Variants in SUPT20H observed in about 807,000 individuals in gnomAD.
SUPT20H encodes the protein transcription factor SPT20 homolog.
Under a neutral mutation model 122.8 loss-of-function variants are expected in SUPT20H, and 82 were observed. That is an observed-to-expected ratio of 0.67 (90% CI 0.56 to 0.80). The LOEUF is 0.80. SUPT20H is among the 30% of genes least tolerant of loss of function. The pLI is 0.00. For synonymous variants in SUPT20H, 291 were observed against 313.0 expected (o/e 0.93, Z 0.74); for missense variants, 831 against 921.6 (o/e 0.90, Z 1.27).
chr13:37,049,666 G>A (rs1404577682), intron 2 of SUPT20H, among the ~76,000 whole-genome samples: 2 of 152,274 alleles, frequency 1.3e-5, no homozygotes, highest in East Asian at 3.9e-4. Flanking sequence ...TTGAACCCGG[G>A]AGGCAGAGGT....
intron 16 of SUPT20H, among the ~76,000 whole-genome samples, chr13:37,025,660 T>G (rs2062128277): frequency 6.6e-6 from 1 of 152,180 alleles, no homozygotes; most frequent in South Asian, 2.1e-4. Context: ...AATCTAAAGA[T>G]ATACTTTCAA....
At chr13:37,011,739 T>A (rs1016048011) in intron 24 of SUPT20H, among the ~76,000 whole-genome samples, 5 of 152,126 alleles carry the variant, frequency 3.3e-5, no homozygotes, top group Non-Finnish European at 5.9e-5. Flanking sequence ...TCTTTTTTTT[T>A]AAATGATAAA....
rs1358342485 is a variant in SUPT20H, at chr13:37,059,677, G to T, written c.-212C>A. On this transcript the variant is annotated 5_prime_UTR_variant, in exon 1 of 26. Transcript: ENST00000350612. Reference sequence around the variant, plus strand: ...CCACCAACAGCCAGTTCCGGCGGCCGCACTTCCGATTGGCAGGCTGGGCCG... The same window carrying T: ...CCACCAACAGCCAGTTCCGGCGGCCTCACTTCCGATTGGCAGGCTGGGCCG... 1 of 152,588 alleles carries T rather than the reference G, an allele frequency of 6.6e-6. No homozygotes were observed. Among genetic ancestry groups the T allele is most frequent in the African/African-American group, 2.4e-5 (1 of 41,470 alleles). 9.5% of individuals were successfully genotyped at this position (152,588 alleles called of 1,614,324 possible).
chr13:37,017,096 T>C (rs752701322), intron 23 of SUPT20H, 149 bp downstream of exon 23: 5 of 1,065,388 alleles, frequency 4.7e-6, no homozygotes, highest in South Asian at 2.8e-5. Flanking sequence ...TTATTAGGAA[T>C]ACACACCCAA....
Position 37,009,476 on chromosome 13 carries a change from T to C in SUPT20H, c.*196A>G, listed in dbSNP as rs1214819610. The C allele has an allele frequency of 1.2e-5, 10 of 801,728 alleles. No homozygotes were observed. In the East Asian group the frequency reaches 2.7e-4, roughly 21 times the overall value. The allele number at this position is 801,728 out of a possible 1,614,324, so 49.7% of individuals were successfully genotyped here. On this transcript the variant is annotated 3_prime_UTR_variant, in exon 26 of 26. Transcript: ENST00000350612. Reference sequence around the variant, plus strand: ...AAACCATTTTTAAAAAGCAATGACTTAGGCAAACCAACCCTAGTTTGTTAA... The same window carrying C: ...AAACCATTTTTAAAAAGCAATGACTCAGGCAAACCAACCCTAGTTTGTTAA...
chr13:37,036,663 C>A lies in SUPT20H; in HGVS notation c.568-3075G>T, dbSNP rs547831356. Among the ~76,000 whole-genome samples, 26 of 152,146 alleles carry A rather than the reference C, an allele frequency of 1.7e-4. No homozygotes were observed. In the South Asian group the frequency reaches 3.1e-3, roughly 18 times the overall value. ...CAAGTTACACTGAGTGTGCATGCCT[C>A]TTCTGCCTCCCCTTCCATCTTCTTT... On this transcript the variant is annotated intron_variant, in intron 9 of 25. Coordinates refer to ENST00000350612, the MANE Select transcript of SUPT20H (RefSeq NM_001014286.3).
In SUPT20H at chr13:37,025,193, T is replaced by C. The variant is rs1016365526; in HGVS notation, c.1329+127A>G. 5.1e-5 allele frequency: 40 copies of C among 787,002 alleles called. No homozygotes were observed. In the South Asian group the frequency reaches 5.3e-4, roughly 10 times the overall value. 48.8% of individuals were successfully genotyped at this position (787,002 alleles called of 1,614,324 possible). On this transcript the variant is annotated intron_variant, in intron 17 of 25. Transcript: ENST00000350612. Reference sequence around the variant, plus strand: ...CCGACCTCAGGTGATCCACCCACCTTGGCCTCCCAAAGTGTTGGGATTACA... The same window carrying C: ...CCGACCTCAGGTGATCCACCCACCTCGGCCTCCCAAAGTGTTGGGATTACA...
At chr13:37,058,449 A>T (rs2069735154) in intron 1 of SUPT20H, among the ~76,000 whole-genome samples, 1 of 152,180 alleles carries the variant, frequency 6.6e-6, no homozygotes, top group African/African-American at 2.4e-5. Flanking sequence ...GAAGATGAAG[A>T]TACACTATGT....
chr13:37,021,800 C>T (rs2061490620), intron 20 of SUPT20H, among the ~76,000 whole-genome samples, 198 bp from the exon 21 acceptor site: 2 of 151,996 alleles, frequency 1.3e-5, no homozygotes, highest in African/African-American at 2.4e-5. Flanking sequence ...AAAACAAAAA[C>T]GATAAGATGA....
chr13:37,051,465 G>A lies in SUPT20H; in HGVS notation c.3+23C>T, dbSNP rs542766809. The stretch of plus-strand genomic sequence containing the variant: ...AGAGAACATTCTAAAACACAAATTT[G>A]AACATACTGAGCTGAAGCTTACCAT... On this transcript the variant is annotated intron_variant, in intron 2 of 25. Coordinates refer to ENST00000350612, the MANE Select transcript of SUPT20H (RefSeq NM_001014286.3). 84 of 1,605,074 alleles carry A rather than the reference G, an allele frequency of 5.2e-5. No homozygotes were observed. In the East Asian group the frequency reaches 1.3e-3, roughly 25 times the overall value.
Position 37,033,592 on chromosome 13 carries a change from A to C in SUPT20H, c.568-4T>G. 1 of 1,612,862 alleles carries C rather than the reference A, an allele frequency of 6.2e-7. No homozygotes were observed. The highest frequency in any genetic ancestry group is 8.5e-7 in the Non-Finnish European group (1 of 1,179,428). ...TCTCAAGCAAAAGTTTGTCTTCCTG[A>C]AATGTGTAAGAGCATATGTCAATAC... On this transcript the variant is annotated splice_region_variant and splice_polypyrimidine_tract_variant and intron_variant, in intron 9 of 25. Coordinates refer to ENST00000350612, the MANE Select transcript of SUPT20H (RefSeq NM_001014286.3).
intron 23 of SUPT20H, among the ~76,000 whole-genome samples, chr13:37,014,480 A>G (rs1162593474): frequency 2.0e-5 from 3 of 152,156 alleles, no homozygotes; most frequent in Non-Finnish European, 2.9e-5. Flanking sequence ...GTTCTCAAGC[A>G]TTAAACAAAC....
At chr13:37,040,810 G>A in intron 7 of SUPT20H, 118 bp from the exon 8 acceptor site, 1 of 693,182 alleles carries the variant, frequency 1.4e-6, no homozygotes, top group Non-Finnish European at 2.5e-6. Flanking sequence ...ACTCATGTAT[G>A]TACTCTTCAG....
At chr13:37,039,889 T>C (rs986239158) in intron 9 of SUPT20H, 2 of 152,178 alleles carry the variant, frequency 1.3e-5, no homozygotes, top group Non-Finnish European at 2.9e-5. Context: ...GAAAAGTTTA[T>C]ATTTTTTATT....
chr13:37,035,286 T>C (rs1258196630), intron 9 of SUPT20H, among the ~76,000 whole-genome samples: 1 of 152,196 alleles, frequency 6.6e-6, no homozygotes, highest in Non-Finnish European at 1.5e-5. Context: ...AGAACATGCA[T>C]GATTCATGGG....
chr13:37,034,947 AT>A (rs1418520284), intron 9 of SUPT20H, among the ~76,000 whole-genome samples: 1 of 152,224 alleles, frequency 6.6e-6, no homozygotes, highest in African/African-American at 2.4e-5. Context: ...TGTTTACTGC[AT>A]GTTTTACTGA....
chr13:37,054,024 T>C (rs1054500702), intron 1 of SUPT20H, among the ~76,000 whole-genome samples: 4 of 152,088 alleles, frequency 2.6e-5, no homozygotes, highest in African/African-American at 9.7e-5. Flanking sequence ...CTAGAAGAAA[T>C]GGATAAATTC....
Position 37,017,230 on chromosome 13 carries a change from C to T in SUPT20H, c.1992+15G>A. The T allele has an allele frequency of 2.5e-6, 4 of 1,613,904 alleles. No individual in the cohort carries two copies. The highest frequency in any genetic ancestry group is 3.4e-6 in the Non-Finnish European group (4 of 1,179,902). On this transcript the variant is annotated intron_variant, in intron 23 of 25. Coordinates refer to ENST00000350612, the MANE Select transcript of SUPT20H (RefSeq NM_001014286.3). Reference sequence around the variant, plus strand: ...ATTCGATGTAAAAGCATATGGAAGGCTAGAAAATCCATACCTGCTCCCCTG... The same window carrying T: ...ATTCGATGTAAAAGCATATGGAAGGTTAGAAAATCCATACCTGCTCCCCTG...
chr13:37,047,518 TAA>T lies in SUPT20H; in HGVS notation c.165+15_165+16del. 7.0e-7 allele frequency: 1 copy of T among 1,429,128 alleles called. No homozygotes were observed. Among genetic ancestry groups the T allele is most frequent in the Non-Finnish European group, 9.3e-7 (1 of 1,076,548 alleles). 88.5% of individuals were successfully genotyped at this position (1,429,128 alleles called of 1,614,324 possible). On this transcript the variant is annotated intron_variant, in intron 5 of 25. Coordinates refer to ENST00000350612, the MANE Select transcript of SUPT20H (RefSeq NM_001014286.3). ...CTACATTTCAAAAGCTACAACATAA[TAA>T]AAATGTATACTTACCTTAACTTCAG...
Sources: gnomAD v4.1 joint callset for allele counts (sites outside exome capture counted in the v4.1 genomes callset) on GRCh38, gnomAD v4.1.1 for gene constraint, MANE v1.5 for transcripts, NCBI Gene and HGNC (gene_info 2026-07-23, HGNC 2026-07-21) for gene names.